Variants in DNAH17 observed in about 807,000 individuals in gnomAD.
The protein encoded by DNAH17 is axonemal beta dynein heavy chain 17.
Under a neutral mutation model 485.6 loss-of-function variants are expected in DNAH17, and 376 were observed. The observed-to-expected ratio is 0.77, with a 90% CI of 0.71 to 0.84. The LOEUF (loss-of-function observed/expected upper bound fraction) is 0.84, where lower values mean the gene tolerates loss of function less well. Ranked by LOEUF, DNAH17 falls within the 40% of genes least tolerant of loss-of-function variation. The pLI is 0.00. For missense variants in DNAH17, 6,370 were observed against 5,839.3 expected (o/e 1.09, Z -2.96); for synonymous variants, 3,031 against 2,405.9 (o/e 1.26, Z -7.60).
At chr17:78,506,048 C>CA (rs992091782) in intron 30 of DNAH17, among the ~76,000 whole-genome samples, 14 of 152,134 alleles carry the variant, frequency 9.2e-5, no homozygotes, top group Non-Finnish European at 1.9e-4. Context: ...CCAAGCCACA[C>CA]ACTCAGTCTA....
intron 8 of DNAH17, 53 bp from the exon 9 acceptor site, chr17:78,569,305 T>A: frequency 6.3e-7 from 1 of 1,599,754 alleles, no homozygotes; most frequent in South Asian, 1.1e-5. Context: ...TGTCCCAAGT[T>A]TATCAAATAT....
At chr17:78,451,769 G>T in intron 65 of DNAH17, 96 bp from the exon 66 acceptor site, 3 of 1,087,864 alleles carry the variant, frequency 2.8e-6, no homozygotes, top group Non-Finnish European at 4.0e-6. Context: ...CCCAGGCCAG[G>T]CCGCCACCTT....
intron 25 of DNAH17, among the ~76,000 whole-genome samples, chr17:78,521,757 C>T (rs368891695): frequency 7.2e-5 from 11 of 152,274 alleles, no homozygotes; most frequent in African/African-American, 9.6e-5. Context: ...GAGGCCAAGG[C>T]GGGCGCATTG....
chr17:78,574,248 G>T (rs2092401897), intron 2 of DNAH17, among the ~76,000 whole-genome samples: 1 of 152,282 alleles, frequency 6.6e-6, no homozygotes, highest in Admixed American at 6.5e-5. Context: ...CCAACAGTTT[G>T]GGAGGTTGAG....
chr17:78,529,102 G>A (rs1953900565), intron 22 of DNAH17, among the ~76,000 whole-genome samples: 1 of 152,080 alleles, frequency 6.6e-6, no homozygotes, highest in East Asian at 1.9e-4. Flanking sequence ...AGCCACAGCT[G>A]GCTAATTTTC....
intron 13 of DNAH17, 104 bp from the exon 14 acceptor site, chr17:78,558,358 G>GT: frequency 3.0e-6 from 4 of 1,346,604 alleles, no homozygotes; most frequent in Non-Finnish European, 4.0e-6. Flanking sequence ...TTTGACAGCC[G>GT]GGGGGGATCT....
At chr17:78,470,812 C>T (rs574278397) in intron 54 of DNAH17, among the ~76,000 whole-genome samples, 33 of 152,336 alleles carry the variant, frequency 2.2e-4, no homozygotes, top group African/African-American at 7.7e-4. Flanking sequence ...AATAAATATA[C>T]TGCAGGCTTG....
intron 48 of DNAH17, among the ~76,000 whole-genome samples, chr17:78,482,511 T>C (rs146240454): frequency 6.6e-6 from 1 of 152,318 alleles, no homozygotes; most frequent in African/African-American, 2.4e-5. Context: ...CAAAATTCCT[T>C]AACTTTCATT....
chr17:78,459,118 G>A lies in DNAH17; in HGVS notation c.9744C>T (p.Ile3248=), dbSNP rs369453327. 64 of 1,614,024 alleles carry A rather than the reference G, an allele frequency of 4.0e-5. 1 individual carries two copies. The Admixed American group carries it at 4.2e-4, about 11-fold the overall frequency. ...AAGLCSWCIN[I]VRFYEVYCDV... The stretch of plus-strand genomic sequence containing the variant: ...CGCAGTAGACCTCGTAGAAGCGGAC[G>A]ATGTTGATGCACCAGGAGCACAGGC... The change falls in exon 61 of 81, where the codon ATC becomes ATT. Residue 3248 remains isoleucine (I), a synonymous_variant. Transcript: ENST00000389840.
chr17:78,480,765 C>G lies in DNAH17; in HGVS notation c.7671G>C (p.Thr2557=), dbSNP rs377049490. ...ACTGACAATTATGGATATCTTTTAA[C>G]GTCAGCTTATGTCTGTCATACCTGA... ...HRHWYDRHKL[T]LKDIHNCQYV... The change falls in exon 49 of 81, where the codon ACG becomes ACC. Residue 2557 remains threonine (T), a synonymous_variant. Coordinates refer to ENST00000389840, the MANE Select transcript of DNAH17 (RefSeq NM_173628.4). 6.6e-5 allele frequency: 106 copies of G among 1,613,266 alleles called. No individual in the cohort carries two copies. The highest frequency in any genetic ancestry group is 8.6e-5 in the Non-Finnish European group (102 of 1,179,696).
At chr17:78,535,042 G>T (rs114226920) in intron 19 of DNAH17, among the ~76,000 whole-genome samples, 1 of 152,106 alleles carries the variant, frequency 6.6e-6, no homozygotes, top group African/African-American at 2.4e-5. Flanking sequence ...GCAGGCTTTC[G>T]AGGGACCCTT....
rs375301975 is a variant in DNAH17 at position 78,499,218 on chromosome 17, G to T, written c.5641-106C>A. 485 of 794,094 alleles carry T rather than the reference G, an allele frequency of 6.1e-4. 7 individuals carry two copies. In the East Asian group the frequency reaches 0.011, roughly 17 times the overall value. 49.2% of individuals were successfully genotyped at this position (794,094 alleles called of 1,614,324 possible). The stretch of plus-strand genomic sequence containing the variant: ...TTCGGCTGTGTTTTCTCTTCCCAAA[G>T]CTTGCTCAGGCCCCGGTGCATTGGA... On this transcript the variant is annotated intron_variant, in intron 36 of 80. Coordinates refer to ENST00000389840, the MANE Select transcript of DNAH17 (RefSeq NM_173628.4).
chr17:78,533,441 G>T (rs1300459954), intron 19 of DNAH17, among the ~76,000 whole-genome samples: 1 of 152,172 alleles, frequency 6.6e-6, no homozygotes, highest in Non-Finnish European at 1.5e-5. Context: ...CACGTGCAAA[G>T]GCCCCGTGGT....
chr17:78,539,099 C>T (rs1034719381), intron 18 of DNAH17, among the ~76,000 whole-genome samples: 4 of 152,074 alleles, frequency 2.6e-5, no homozygotes, highest in Middle Eastern at 3.4e-3. Flanking sequence ...GGCGTGGTGG[C>T]GGGCACCTAT....
chr17:78,462,234 A>G (rs2088166898), intron 57 of DNAH17, among the ~76,000 whole-genome samples: 1 of 54,754 alleles, frequency 1.8e-5, no homozygotes, highest in South Asian at 6.2e-4. Context: ...CTGGTGGGAG[A>G]GTGACAGCGA....
rs1598474055 is a variant in DNAH17, at chr17:78,453,376, G to A, written c.10496C>T (p.Pro3499Leu). 4 of 1,613,754 alleles carry A rather than the reference G, an allele frequency of 2.5e-6. No homozygotes were observed. The highest frequency in any genetic ancestry group is 2.5e-6 in the Non-Finnish European group (3 of 1,179,766). ...TTTAATCGTGTTCCTGCCCAGTAGA[G>A]GGTCCAGCACGGGGTCCACGGTTTC... ...IGETVDPVLD[P>L]LLGRNTIKKG... Residue 3499 changes from proline to leucine, a missense_variant, in exon 65 of 81, where the codon CCT becomes CTT. Coordinates refer to ENST00000389840, the MANE Select transcript of DNAH17 (RefSeq NM_173628.4).
intron 16 of DNAH17, among the ~76,000 whole-genome samples, chr17:78,544,476 G>A (rs1174886472): frequency 6.6e-6 from 1 of 152,154 alleles, no homozygotes; most frequent in Non-Finnish European, 1.5e-5. Context: ...CAGGACCCTG[G>A]CTCCCCTGCA....
chr17:78,537,409 C>G lies in DNAH17; in HGVS notation c.2749G>C (p.Glu917Gln), dbSNP rs758077315. The G allele has an allele frequency of 4.3e-6, 7 of 1,613,392 alleles. No individual in the cohort carries two copies. In the East Asian group the frequency reaches 1.6e-4, roughly 36 times the overall value. The change falls in exon 19 of 81, where the codon GAG (glutamate) becomes CAG (glutamine). Residue 917 changes from glutamate to glutamine, a missense_variant. Glu to Gln is a conservative substitution (Grantham distance 29, BLOSUM62 2). Coordinates refer to ENST00000389840, the MANE Select transcript of DNAH17 (RefSeq NM_173628.4). ...EDGLTFNPTL[E>Q]VGSDRGFLAL... is the part of the protein sequence containing the mutation. ...AGGAAGCCGCGATCTGAGCCCACCT[C>G]CAGGGTCGGGTTGAAGGTCAGCCCA...
intron 14 of DNAH17, among the ~76,000 whole-genome samples, chr17:78,555,530 C>A (rs908430491): frequency 8.5e-5 from 7 of 82,840 alleles, no homozygotes; most frequent in Non-Finnish European, 1.5e-4. Flanking sequence ...GGGAGAGGAG[C>A]AAGATTCCGT....
Sources: allele counts gnomAD v4.1 joint callset (sites outside exome capture counted in the v4.1 genomes callset), GRCh38; gene constraint gnomAD v4.1.1; transcripts MANE v1.5; gene names NCBI Gene and HGNC (gene_info 2026-07-23, HGNC 2026-07-21).